EYA4: variants seen among roughly 807,000 people sequenced by gnomAD.
EYA4 encodes protein phosphatase EYA4.
Under a neutral mutation model 87.9 loss-of-function variants are expected in EYA4, and 31 were observed. The ratio of observed to expected loss-of-function variants is 0.35; its 90% CI spans 0.27 to 0.48. EYA4 has a LOEUF of 0.48. Among genes scored for constraint, EYA4 ranks in the 20% least tolerant of loss-of-function variants. The probability of loss-of-function intolerance (pLI) is 0.99; values close to 1 mark genes in which losing one functional copy is unlikely to be tolerated. For synonymous variants in EYA4, 263 were observed against 270.6 expected (o/e 0.97, Z 0.28); for missense variants, 678 against 761.4 (o/e 0.89, Z 1.29).
intron 1 of EYA4, among the ~76,000 whole-genome samples, chr6:133,273,117 A>ATATATATATATATATATATAT (rs1207985216): frequency 6.7e-6 from 1 of 148,336 alleles, no homozygotes; most frequent in African/African-American, 2.5e-5. Flanking sequence ...ATATATATAT[A>ATATATATATATATATATATAT]AAGGGAAGTT....
intron 1 of EYA4, among the ~76,000 whole-genome samples, chr6:133,252,989 A>ACTCGCT: frequency 8.3e-6 from 1 of 120,094 alleles, no homozygotes. Flanking sequence ...ACACACACAC[A>ACTCGCT]CTCACTCTCT....
At chr6:133,395,486 G>T (rs1787703604) in intron 3 of EYA4, among the ~76,000 whole-genome samples, 1 of 152,166 alleles carries the variant, frequency 6.6e-6, no homozygotes. Context: ...AGTTTGGGCT[G>T]TGGTGGCTCC....
At chr6:133,490,613 G>T (rs911471157) in intron 13 of EYA4, among the ~76,000 whole-genome samples, 1 of 151,808 alleles carries the variant, frequency 6.6e-6, no homozygotes, top group Non-Finnish European at 1.5e-5. Flanking sequence ...ACAAAAGAAG[G>T]TCATCATATA....
intron 1 of EYA4, among the ~76,000 whole-genome samples, chr6:133,267,673 A>G (rs575004330): frequency 2.0e-5 from 3 of 152,224 alleles, no homozygotes; most frequent in African/African-American, 7.2e-5. Context: ...ATGAACCACC[A>G]CGCCTGGCCC....
intron 13 of EYA4, among the ~76,000 whole-genome samples, chr6:133,505,586 T>G (rs1798526983): frequency 6.6e-6 from 1 of 152,188 alleles, no homozygotes; most frequent in Non-Finnish European, 1.5e-5. Context: ...TAAGTGATGG[T>G]CGCACCATCC....
At chr6:133,321,637 A>T (rs147790474) in intron 2 of EYA4, among the ~76,000 whole-genome samples, 421 of 152,224 alleles carry the variant, frequency 2.8e-3, no homozygotes, top group African/African-American at 9.7e-3. Context: ...AAATTGGTCG[A>T]TCTTGTTCAC....
intron 19 of EYA4, chr6:133,525,826 A>G (rs1583570041): frequency 9.5e-6 from 8 of 843,966 alleles, no homozygotes; most frequent in Non-Finnish European, 1.1e-5. Context: ...AAAAACTGCT[A>G]CAAGAGATTT....
intron 1 of EYA4, among the ~76,000 whole-genome samples, chr6:133,254,775 C>A (rs550634159): frequency 5.3e-4 from 80 of 152,204 alleles, no homozygotes; most frequent in African/African-American, 1.8e-3. Flanking sequence ...CTAGCCTAAC[C>A]CTTCCATTTT....
In EYA4 at chr6:133,455,059, T is replaced by C. The variant is rs577649525; in HGVS notation, c.278-1497T>C. Among the ~76,000 whole-genome samples, 6 of 152,264 alleles carry C rather than the reference T, an allele frequency of 3.9e-5. No homozygotes were observed. In the South Asian group the frequency reaches 1.2e-3, roughly 32 times the overall value. On this transcript the variant is annotated intron_variant, in intron 5 of 19. Coordinates refer to ENST00000355286, the MANE Select transcript of EYA4 (RefSeq NM_004100.5). ...TTATAGTGATTTGTATTAATTAGAGTTGTTTTAAGGATTAGCTAAATGTAC... is the reference window on the plus strand; with the variant it reads ...TTATAGTGATTTGTATTAATTAGAGCTGTTTTAAGGATTAGCTAAATGTAC...
intron 2 of EYA4, among the ~76,000 whole-genome samples, chr6:133,309,421 C>A (rs1780047975): frequency 6.6e-6 from 1 of 152,050 alleles, no homozygotes; most frequent in Admixed American, 6.6e-5. Flanking sequence ...ACTTATTAGG[C>A]AGTTATGGCT....
intron 2 of EYA4, among the ~76,000 whole-genome samples, chr6:133,299,240 C>G (rs1211908082): frequency 6.6e-6 from 1 of 152,160 alleles, no homozygotes; most frequent in African/African-American, 2.4e-5. Flanking sequence ...CAATTTGACA[C>G]ACAGTTTTAA....
intron 3 of EYA4, among the ~76,000 whole-genome samples, chr6:133,391,410 G>A (rs1368091037): frequency 6.6e-6 from 1 of 151,904 alleles, no homozygotes; most frequent in Admixed American, 6.6e-5. Flanking sequence ...CTTAACTCGG[G>A]AAAAGAGGGC....
chr6:133,527,222 G>T (rs919568359), intron 19 of EYA4, among the ~76,000 whole-genome samples: 1 of 152,146 alleles, frequency 6.6e-6, no homozygotes, highest in Admixed American at 6.6e-5. Flanking sequence ...TGGATGTAGC[G>T]GTAATCGCAT....
At chr6:133,502,980 CAG>C (rs1305621064) in intron 13 of EYA4, among the ~76,000 whole-genome samples, 2 of 152,206 alleles carry the variant, frequency 1.3e-5, no homozygotes, top group South Asian at 2.1e-4. Flanking sequence ...CTGGCTCTCA[CAG>C]AGTGTGTGAT....
At chr6:133,377,461 A>G (rs1785788924) in intron 2 of EYA4, among the ~76,000 whole-genome samples, 1 of 151,924 alleles carries the variant, frequency 6.6e-6, no homozygotes, top group South Asian at 2.1e-4. Flanking sequence ...TGGCTGGAAC[A>G]CTGCCTCGGA....
intron 2 of EYA4, among the ~76,000 whole-genome samples, chr6:133,341,477 T>A (rs1160089809): frequency 1.3e-5 from 2 of 152,170 alleles, no homozygotes; most frequent in African/African-American, 4.8e-5. Context: ...GGATAAAACA[T>A]TAACAGTGGA....
intron 2 of EYA4, among the ~76,000 whole-genome samples, chr6:133,365,644 G>T (rs1784801424): frequency 6.6e-6 from 1 of 152,126 alleles, no homozygotes; most frequent in Non-Finnish European, 1.5e-5. Context: ...GGTTTCTGTG[G>T]GAAAGGGAAG....
rs1787222108 is a variant in EYA4, at chr6:133,391,062, A to G, written c.83+8621A>G. ...CACTTGATCCATGTGAAGAAATAGT[A>G]GATGAGATTAGAAAGTTAGGGTAGG... On this transcript the variant is annotated intron_variant, in intron 3 of 19. Coordinates refer to ENST00000355286, the MANE Select transcript of EYA4 (RefSeq NM_004100.5). Among the ~76,000 whole-genome samples, 8 of 152,294 alleles carry G rather than the reference A, an allele frequency of 5.3e-5. No homozygotes were observed. The South Asian group carries it at 1.7e-3, about 32-fold the overall frequency.
At chr6:133,482,752 C>G (rs1796324677) in intron 12 of EYA4, among the ~76,000 whole-genome samples, 1 of 152,090 alleles carries the variant, frequency 6.6e-6, no homozygotes, top group Non-Finnish European at 1.5e-5. Context: ...ATCATAAAGT[C>G]TGAATGTATC....
Sources: gnomAD v4.1 joint callset for allele counts (sites outside exome capture counted in the v4.1 genomes callset) on GRCh38, gnomAD v4.1.1 for gene constraint, MANE v1.5 for transcripts, NCBI Gene and HGNC (gene_info 2026-07-23, HGNC 2026-07-21) for gene names.